Variants in KIAA0825 observed in about 807,000 individuals in gnomAD.
The protein encoded by KIAA0825 is uncharacterized protein KIAA0825.
A neutral mutation model predicts 147.6 loss-of-function variants in KIAA0825; 119 were observed. The ratio of observed to expected loss-of-function variants is 0.81; its 90% CI spans 0.69 to 0.94. KIAA0825 has a LOEUF of 0.94. KIAA0825 is among the 40% of genes least tolerant of loss of function. KIAA0825 has a pLI of 0.00. For missense variants in KIAA0825, 1,381 were observed against 1,472.7 expected, an observed-to-expected ratio of 0.94 and a Z score of 1.02; for synonymous variants, 470 against 518.1, an observed-to-expected ratio of 0.91 and a Z score of 1.26.
At chr5:94,487,756 A>G (rs957755902) in intron 5 of KIAA0825, among the ~76,000 whole-genome samples, 4 of 152,090 alleles carry the variant, frequency 2.6e-5, no homozygotes, top group Non-Finnish European at 4.4e-5. Flanking sequence ...AACATGGCAA[A>G]CCCCATCTCT....
At chr5:94,586,645 C>A (rs541657939) in intron 1 of KIAA0825, among the ~76,000 whole-genome samples, 1 of 152,302 alleles carries the variant, frequency 6.6e-6, no homozygotes, top group Non-Finnish European at 1.5e-5. Flanking sequence ...CCTTCTGAGA[C>A]TATTCCAATC....
chr5:94,585,110 T>A (rs1011762247), intron 1 of KIAA0825, among the ~76,000 whole-genome samples: 2 of 152,156 alleles, frequency 1.3e-5, no homozygotes, highest in Admixed American at 1.3e-4. Context: ...AGACTATCAA[T>A]GCTATGAAGA....
intron 20 of KIAA0825, among the ~76,000 whole-genome samples, chr5:94,355,268 G>T (rs1027186442): frequency 1.3e-5 from 2 of 152,172 alleles, no homozygotes; most frequent in Admixed American, 6.5e-5. Flanking sequence ...TCAGGATTGG[G>T]AGGGCCTGGA....
chr5:94,446,345 T>G (rs190538508), intron 13 of KIAA0825, among the ~76,000 whole-genome samples: 1 of 152,250 alleles, frequency 6.6e-6, no homozygotes, highest in Admixed American at 6.5e-5. Context: ...ATCATACAAA[T>G]AAAGATAAAG....
intron 20 of KIAA0825, among the ~76,000 whole-genome samples, chr5:94,268,226 T>A (rs1464954963): frequency 2.0e-5 from 3 of 152,132 alleles, no homozygotes. Flanking sequence ...CTTTAGAAAG[T>A]ATCAGTTATG....
At chr5:94,465,168 GAC>G in intron 10 of KIAA0825, 109 bp from the exon 11 acceptor site, 1 of 968,890 alleles carries the variant, frequency 1.0e-6, no homozygotes, top group Non-Finnish European at 1.5e-6. Flanking sequence ...TAAAGAGTTT[GAC>G]ACACTAGAAG....
intron 20 of KIAA0825, among the ~76,000 whole-genome samples, chr5:94,225,849 A>G (rs1370214941): frequency 6.6e-6 from 1 of 152,212 alleles, no homozygotes; most frequent in African/African-American, 2.4e-5. Context: ...CTTACACCTT[A>G]TACAAAACTT....
At chr5:94,357,187 A>G (rs1331719221) in intron 20 of KIAA0825, among the ~76,000 whole-genome samples, 1 of 152,230 alleles carries the variant, frequency 6.6e-6, no homozygotes, top group Non-Finnish European at 1.5e-5. Flanking sequence ...AAACGCATCT[A>G]CAGACATTTC....
chr5:94,180,981 G>A (rs1769561014), intron 20 of KIAA0825, among the ~76,000 whole-genome samples: 1 of 152,040 alleles, frequency 6.6e-6, no homozygotes, highest in Non-Finnish European at 1.5e-5. Flanking sequence ...GTGGTTCATG[G>A]AAAACCACTG....
At chr5:94,577,820 T>C (rs949627743) in intron 2 of KIAA0825, among the ~76,000 whole-genome samples, 2 of 152,246 alleles carry the variant, frequency 1.3e-5, no homozygotes, top group African/African-American at 4.8e-5. Flanking sequence ...TTTTTCTGTA[T>C]TACTTATGTA....
chr5:94,401,623 C>T (rs981415486), intron 16 of KIAA0825, among the ~76,000 whole-genome samples: 8 of 152,112 alleles, frequency 5.3e-5, no homozygotes, highest in Admixed American at 5.3e-4. Context: ...CACTGGCTCA[C>T]TCACAGACCA....
At chr5:94,334,613 G>C (rs1181469947) in intron 20 of KIAA0825, among the ~76,000 whole-genome samples, 1 of 152,176 alleles carries the variant, frequency 6.6e-6, no homozygotes, top group Non-Finnish European at 1.5e-5. Flanking sequence ...CTCCTGAGTA[G>C]CTAGGACTAC....
chr5:94,269,648 G>T (rs1320567651), intron 20 of KIAA0825, among the ~76,000 whole-genome samples: 1 of 151,908 alleles, frequency 6.6e-6, no homozygotes, highest in Non-Finnish European at 1.5e-5. Flanking sequence ...CAAAACCTAT[G>T]GGATACAGTG....
intron 2 of KIAA0825, among the ~76,000 whole-genome samples, chr5:94,554,720 A>C (rs1776213680): frequency 6.3e-5 from 1 of 15,924 alleles, no homozygotes; most frequent in South Asian, 3.1e-3. Flanking sequence ...TGTGTACTAT[A>C]TATATATATA....
chr5:94,587,291 A>T lies in KIAA0825; in HGVS notation c.-152-4708T>A, dbSNP rs370367431. Among the ~76,000 whole-genome samples the T allele has an allele frequency of 1.4e-4, 22 of 152,164 alleles. No homozygotes were observed. The South Asian group carries it at 4.6e-3, about 32-fold the overall frequency. ...GATGACATGATTGTATACTTAGAAA[A>T]CCCCATTGTCTCAGCCTAAAATCTC... On this transcript the variant is annotated intron_variant, in intron 1 of 20. Transcript: ENST00000682413.
At chr5:94,417,442 T>A in intron 14 of KIAA0825, 77 bp from the exon 15 acceptor site, 1 of 1,123,026 alleles carries the variant, frequency 8.9e-7, no homozygotes, top group Non-Finnish European at 1.3e-6. Context: ...TCTTACTATG[T>A]ACACTAGCAT....
rs557464196 is a variant in KIAA0825 at position 94,550,492 on chromosome 5, A to C, written c.-1-13365T>G. Among the ~76,000 whole-genome samples the C allele has an allele frequency of 2.0e-5, 3 of 152,316 alleles. No homozygotes were observed. In the South Asian group the frequency reaches 6.2e-4, roughly 32 times the overall value. On this transcript the variant is annotated intron_variant, in intron 2 of 20. Transcript: ENST00000682413. ...TTGGAAGAGGCAACTATTACATCAG[A>C]TGTGAAGAAATCAACATAGGGACAT...
At chr5:94,331,192 A>T (rs948489775) in intron 20 of KIAA0825, among the ~76,000 whole-genome samples, 3 of 151,756 alleles carry the variant, frequency 2.0e-5, no homozygotes, top group Non-Finnish European at 2.9e-5. Context: ...GAAGAAAGGA[A>T]GGAAGGAAGG....
intron 5 of KIAA0825, among the ~76,000 whole-genome samples, chr5:94,494,868 C>T (rs1178108920): frequency 6.6e-6 from 1 of 152,104 alleles, no homozygotes; most frequent in Admixed American, 6.5e-5. Context: ...AGAGAAGTTA[C>T]ATTATCAGCT....
Sources: gnomAD v4.1 joint callset for allele counts (sites outside exome capture counted in the v4.1 genomes callset) on GRCh38, gnomAD v4.1.1 for gene constraint, MANE v1.5 for transcripts, NCBI Gene and HGNC (gene_info 2026-07-23, HGNC 2026-07-21) for gene names.